SLC8A1: variants seen among roughly 807,000 people sequenced by gnomAD.
SLC8A1 encodes the protein solute carrier family 8 member A1, also known as sodium/calcium exchanger 1.
Under a neutral mutation model 68.3 loss-of-function variants are expected in SLC8A1, and 18 were observed. The ratio of observed to expected loss-of-function variants is 0.26; its 90% CI spans 0.18 to 0.39. The LOEUF is 0.39. Ranked by LOEUF, SLC8A1 falls within the 10% of genes least tolerant of loss-of-function variation. SLC8A1 has a pLI of 1.00. For missense variants in SLC8A1, 985 were observed against 1,156.7 expected (o/e 0.85, Z 2.15); for synonymous variants, 475 against 415.5 (o/e 1.14, Z -1.74).
intron 2 of SLC8A1, among the ~76,000 whole-genome samples, chr2:40,258,856 C>T (rs748164516): frequency 1.0e-4 from 15 of 150,444 alleles, no homozygotes; most frequent in Non-Finnish European, 1.9e-4. Flanking sequence ...AAACAAAAAA[C>T]AAACAAAAAA....
intron 7 of SLC8A1, among the ~76,000 whole-genome samples, chr2:40,130,930 G>A (rs1029898208): frequency 1.3e-5 from 2 of 152,210 alleles, no homozygotes; most frequent in Admixed American, 1.3e-4. Flanking sequence ...ATGAAGATAG[G>A]CTGAAAATTT....
chr2:40,294,038 G>T (rs1386601589), intron 2 of SLC8A1, among the ~76,000 whole-genome samples: 2 of 152,014 alleles, frequency 1.3e-5, no homozygotes, highest in Non-Finnish European at 2.9e-5. Context: ...AGCTATGAAT[G>T]GTAAGAGGGA....
chr2:40,259,605 C>T (rs572384668), intron 2 of SLC8A1, among the ~76,000 whole-genome samples: 6 of 152,282 alleles, frequency 3.9e-5, no homozygotes, highest in Admixed American at 2.0e-4. Context: ...TCAGCTAGGA[C>T]TACAAGCATG....
chr2:40,489,804 G>C (rs1272037698), intron 1 of SLC8A1, among the ~76,000 whole-genome samples: 1 of 151,830 alleles, frequency 6.6e-6, no homozygotes, highest in Non-Finnish European at 1.5e-5. Flanking sequence ...GCATGGGAAA[G>C]GATCAGAAGG....
intron 2 of SLC8A1, among the ~76,000 whole-genome samples, chr2:40,383,938 G>A (rs988009075): frequency 2.0e-5 from 3 of 152,148 alleles, no homozygotes; most frequent in Non-Finnish European, 2.9e-5. Flanking sequence ...GGGCATCTGC[G>A]AACTTTACAA....
chr2:40,253,814 C>G (rs1054527955), intron 2 of SLC8A1, among the ~76,000 whole-genome samples: 4 of 111,652 alleles, frequency 3.6e-5, no homozygotes, highest in Non-Finnish European at 5.1e-5. Flanking sequence ...GCAACAGAGC[C>G]AAACTCTGTC....
chr2:40,174,759 A>G (rs2148538895), intron 4 of SLC8A1, 39 bp from the exon 6 acceptor site: 1 of 1,576,166 alleles, frequency 6.3e-7, no homozygotes, highest in East Asian at 2.2e-5. Flanking sequence ...ATTTTTTTTA[A>G]TGTAATAACA....
At chr2:40,492,539 C>A (rs953070941) in intron 1 of SLC8A1, among the ~76,000 whole-genome samples, 5 of 151,438 alleles carry the variant, frequency 3.3e-5, no homozygotes, top group African/African-American at 1.2e-4. Context: ...AAAGAAACTA[C>A]CATCAGAGTG....
chr2:40,482,594 G>A (rs1179000693), intron 1 of SLC8A1, among the ~76,000 whole-genome samples: 3 of 151,982 alleles, frequency 2.0e-5, no homozygotes, highest in African/African-American at 7.3e-5. Context: ...ACGAAGGAAT[G>A]GAGACTTTAA....
intron 6 of SLC8A1, among the ~76,000 whole-genome samples, chr2:40,141,931 G>A (rs1404157836): frequency 6.6e-6 from 1 of 152,018 alleles, no homozygotes; most frequent in Non-Finnish European, 1.5e-5. Context: ...TACAAGCCAA[G>A]GAGATTGGCC....
At chr2:40,424,829 T>A (rs1051250385) in intron 2 of SLC8A1, among the ~76,000 whole-genome samples, 9 of 151,896 alleles carry the variant, frequency 5.9e-5, no homozygotes, top group Non-Finnish European at 1.3e-4. Flanking sequence ...CTATAACTAA[T>A]TAAATTTGAT....
intron 2 of SLC8A1, among the ~76,000 whole-genome samples, chr2:40,390,789 C>T (rs1229594987): frequency 1.3e-5 from 2 of 152,094 alleles, no homozygotes; most frequent in African/African-American, 4.8e-5. Flanking sequence ...AATCTGAACA[C>T]TTTTGTCCAA....
intron 2 of SLC8A1, among the ~76,000 whole-genome samples, chr2:40,395,487 G>A (rs749841230): frequency 6.6e-6 from 1 of 152,042 alleles, no homozygotes; most frequent in Non-Finnish European, 1.5e-5. Context: ...AGTCAAATCC[G>A]AAGGCTACCC....
intron 2 of SLC8A1, among the ~76,000 whole-genome samples, chr2:40,386,685 G>A (rs930464874): frequency 1.2e-4 from 18 of 150,230 alleles, no homozygotes; most frequent in Admixed American, 2.6e-4. Flanking sequence ...ATAAATAATT[G>A]TAGGAAAAGT....
exon 2 of SLC8A1, chr2:40,429,536 C>T (rs765590704): frequency 1.9e-6 from 3 of 1,613,742 alleles, no homozygotes; most frequent in Non-Finnish European, 2.5e-6. Context: ...GCTACCCAAG[C>T]GAACACAACA....
intron 2 of SLC8A1, among the ~76,000 whole-genome samples, chr2:40,341,022 G>A (rs1667526767): frequency 1.3e-5 from 2 of 152,152 alleles, no homozygotes; most frequent in Admixed American, 6.6e-5. Context: ...AGTGGAGAAA[G>A]CATTTGAAGG....
chr2:40,358,669 C>T (rs1463188952), intron 2 of SLC8A1, among the ~76,000 whole-genome samples: 1 of 152,226 alleles, frequency 6.6e-6, no homozygotes, highest in Non-Finnish European at 1.5e-5. Flanking sequence ...CATTAATTCA[C>T]TCATTCAACA....
intron 2 of SLC8A1, among the ~76,000 whole-genome samples, chr2:40,362,749 A>T (rs376234975): frequency 6.6e-6 from 1 of 152,156 alleles, no homozygotes; most frequent in Admixed American, 6.6e-5. Context: ...AATTTACATC[A>T]TAGTTGCATC....
intron 1 of SLC8A1, among the ~76,000 whole-genome samples, chr2:40,474,803 C>T (rs572822944): frequency 1.3e-5 from 2 of 152,200 alleles, no homozygotes; most frequent in Admixed American, 6.5e-5. Context: ...AATGTTAGAT[C>T]ATGAAACTTT....
Sources: allele counts gnomAD v4.1 joint callset (sites outside exome capture counted in the v4.1 genomes callset), GRCh38; gene constraint gnomAD v4.1.1; transcripts MANE v1.5; gene names NCBI Gene and HGNC (gene_info 2026-07-23, HGNC 2026-07-21).